The following PROCR variants were observed in gnomAD, a reference collection of about 807,000 sequenced individuals.
The protein encoded by PROCR is protein C receptor.
Under a neutral mutation model 24.2 loss-of-function variants are expected in PROCR, and 22 were observed. That is an observed-to-expected ratio of 0.91 (90% CI 0.65 to 1.30). PROCR has a LOEUF of 1.30. Among genes scored for constraint, PROCR ranks in the 50% most tolerant of loss-of-function variants. PROCR has a pLI of 0.00. For synonymous variants in PROCR, 137 were observed against 139.2 expected (o/e 0.98, Z 0.11); for missense variants, 288 against 307.7 (o/e 0.94, Z 0.48).
intron 1 of PROCR, among the ~76,000 whole-genome samples, chr20:35,205,971 G>A (rs1050670245): frequency 6.0e-5 from 9 of 148,782 alleles, no homozygotes; most frequent in Admixed American, 1.3e-4. Flanking sequence ...GCACTTGACC[G>A]CAAATCACAT....
chr20:35,191,199 G>C (rs569999660), intron 1 of PROCR, among the ~76,000 whole-genome samples: 3 of 152,012 alleles, frequency 2.0e-5, no homozygotes, highest in East Asian at 3.9e-4. Flanking sequence ...TTTCTTCAAG[G>C]GTTCCTTATT....
At chr20:35,202,639 A>C (rs895343686) in intron 1 of PROCR, 1 of 152,170 alleles carries the variant, frequency 6.6e-6, no homozygotes, top group Non-Finnish European at 1.5e-5. Context: ...AAAAGGGTCA[A>C]TTCACCAAGA....
chr20:35,212,529 G>A (rs937080802), intron 1 of PROCR, among the ~76,000 whole-genome samples: 12 of 152,146 alleles, frequency 7.9e-5, no homozygotes, highest in Non-Finnish European at 1.3e-4. Flanking sequence ...TTATTACTGC[G>A]GTCCAAGTAA....
intron 1 of PROCR, among the ~76,000 whole-genome samples, chr20:35,212,155 C>T (rs1174254206): frequency 6.6e-6 from 1 of 152,162 alleles, no homozygotes; most frequent in South Asian, 2.1e-4. Flanking sequence ...TTTGGGAAAA[C>T]TTCCCAAAGG....
In PROCR at chr20:35,176,989, G is replaced by C. The variant is rs2086027172; in HGVS notation, c.*176G>C. On this transcript the variant is annotated 3_prime_UTR_variant, in exon 4 of 4. Transcript: ENST00000216968. ...TGAGGGAGGGGAGATGGAGAGGAGA[G>C]GTGGACAAAGTACTTGGTTTGCTAA... is the stretch of plus-strand genomic sequence containing the variant. 1 of 1,463,484 alleles carries C rather than the reference G, an allele frequency of 6.8e-7. No homozygotes were observed. The highest frequency in any genetic ancestry group is 9.0e-7 in the Non-Finnish European group (1 of 1,107,644). The allele number at this position is 1,463,484 out of a possible 1,614,324, so 90.7% of individuals were successfully genotyped here. A position where few individuals can be genotyped will look rare whatever the true frequency, so the allele number is the denominator to read the frequency against.
intron 1 of PROCR, chr20:35,202,396 G>A (rs1417627612): frequency 6.6e-6 from 1 of 150,944 alleles, no homozygotes; most frequent in Non-Finnish European, 1.5e-5. Flanking sequence ...GGAGGCTGCA[G>A]TGAGCTGAGA....
At chr20:35,209,761 T>C (rs1261740184) in intron 1 of PROCR, among the ~76,000 whole-genome samples, 1 of 152,176 alleles carries the variant, frequency 6.6e-6, no homozygotes, top group Non-Finnish European at 1.5e-5. Context: ...TTTCTTGGTC[T>C]ACGATGATTT....
chr20:35,177,793 T>C (rs1327771461), downstream of PROCR, among the ~76,000 whole-genome samples: 1 of 152,124 alleles, frequency 6.6e-6, no homozygotes, highest in East Asian at 1.9e-4. Flanking sequence ...AGATCACCAG[T>C]AACCTCTAAT....
chr20:35,182,973 CAAAAAAAAAAA>C (rs71333786), intron 1 of PROCR, among the ~76,000 whole-genome samples: 73,369 of 110,770 alleles, frequency 0.66, 20,724 homozygotes, highest in South Asian at 0.71. Context: ...GACTCCGTCT[CAAAAAAAAAAA>C]AAAAAAAAAA....
chr20:35,202,710 T>G (rs956224416), intron 1 of PROCR: 3 of 151,806 alleles, frequency 2.0e-5, no homozygotes, highest in Admixed American at 2.0e-4. Context: ...AAGCAAAAAT[T>G]GATAGAACTA....
intron 2 of PROCR, among the ~76,000 whole-genome samples, chr20:35,175,963 C>A (rs1223686561): frequency 6.6e-6 from 1 of 151,832 alleles, no homozygotes; most frequent in Non-Finnish European, 1.5e-5. Context: ...CAGTCCCTGG[C>A]CCCTTCTTTC....
intron 1 of PROCR, 131 bp downstream of exon 1, chr20:35,172,355 G>A: frequency 8.6e-7 from 1 of 1,157,762 alleles, no homozygotes. Flanking sequence ...CTCTCTACAG[G>A]GCAGGCAGAG....
intron 2 of PROCR, 61 bp downstream of exon 2, chr20:35,175,014 G>T (rs2085996564): frequency 8.0e-7 from 1 of 1,252,516 alleles, no homozygotes; most frequent in South Asian, 1.7e-5. Flanking sequence ...GGGCCTGGCG[G>T]GTGGGGGCGG....
chr20:35,174,911 C>T lies in PROCR; in HGVS notation c.280C>T (p.His94Tyr), dbSNP rs762351232. The change falls in exon 2 of 4, where the codon CAC (histidine) becomes TAC (tyrosine). Residue 94 changes from histidine to tyrosine, a missense_variant. Physicochemically the swap from His to Tyr is moderately conservative, Grantham distance 83. Transcript: ENST00000216968. ...SGLQSYLLQF[H>Y]GLVRLVHQER... ...CCTGCAGTCCTACCTGCTCCAGTTC[C>T]ACGGCCTCGTGCGCCTGGTGCACCA... The T allele has an allele frequency of 6.2e-7, 1 of 1,604,286 alleles. No individual in the cohort carries two copies. The highest frequency in any genetic ancestry group is 1.1e-5 in the South Asian group (1 of 90,260).
intron 1 of PROCR, among the ~76,000 whole-genome samples, chr20:35,201,145 A>C (rs1330187567): frequency 6.6e-6 from 1 of 151,846 alleles, no homozygotes; most frequent in Non-Finnish European, 1.5e-5. Context: ...AGGTATGTGT[A>C]TTATTATCCC....
chr20:35,173,031 C>A (rs2085965327), intron 1 of PROCR, among the ~76,000 whole-genome samples: 1 of 152,094 alleles, frequency 6.6e-6, no homozygotes, highest in Non-Finnish European at 1.5e-5. Context: ...AGTTAAGGAC[C>A]ATGTCTAGGG....
At chr20:35,175,198 C>G (rs1481129711) in intron 2 of PROCR, among the ~76,000 whole-genome samples, 1 of 151,902 alleles carries the variant, frequency 6.6e-6, no homozygotes, top group African/African-American at 2.4e-5. Flanking sequence ...TGGGATAGAC[C>G]CTGTTGGAAG....
intron 1 of PROCR, chr20:35,202,896 C>T (rs1038227203): frequency 2.6e-5 from 4 of 152,178 alleles, no homozygotes; most frequent in African/African-American, 7.2e-5. Context: ...CAACAGAATA[C>T]ATATTCTTTC....
intron 1 of PROCR, among the ~76,000 whole-genome samples, chr20:35,201,193 T>C (rs1034639932): frequency 2.7e-5 from 4 of 146,898 alleles, no homozygotes; most frequent in Admixed American, 6.8e-5. Flanking sequence ...ACAAAAGATA[T>C]AGACAACCAA....
Sources: gnomAD v4.1 joint callset for allele counts (sites outside exome capture counted in the v4.1 genomes callset) on GRCh38, gnomAD v4.1.1 for gene constraint, MANE v1.5 for transcripts, NCBI Gene and HGNC (gene_info 2026-07-23, HGNC 2026-07-21) for gene names.